Variants in SH3GL2 observed in about 807,000 individuals in gnomAD.
SH3GL2 encodes the protein endophilin-A1.
SH3GL2 carries 24 observed loss-of-function variants against 46.0 expected under a neutral mutation model. The ratio of observed to expected loss-of-function variants is 0.52; its 90% CI spans 0.38 to 0.73. The LOEUF (loss-of-function observed/expected upper bound fraction) is 0.73, where lower values mean the gene tolerates loss of function less well. SH3GL2 is among the 30% of genes least tolerant of loss of function. SH3GL2 has a pLI of 0.00. For missense variants in SH3GL2, 413 were observed against 424.2 expected (o/e 0.97, Z 0.23); for synonymous variants, 196 against 147.1 (o/e 1.33, Z -2.40).
At chr9:17,621,903 A>G (rs961561032) in intron 1 of SH3GL2, among the ~76,000 whole-genome samples, 4 of 152,180 alleles carry the variant, frequency 2.6e-5, no homozygotes, top group African/African-American at 7.2e-5. Context: ...ACTTTGCCCA[A>G]TAAAAATGTT....
intron 1 of SH3GL2, among the ~76,000 whole-genome samples, chr9:17,618,703 A>G (rs1447107446): frequency 1.3e-5 from 2 of 152,156 alleles, no homozygotes; most frequent in African/African-American, 2.4e-5. Context: ...GTAACATTCT[A>G]TACTTGGAAA....
At chr9:17,751,070 G>A (rs1822826562) in intron 2 of SH3GL2, among the ~76,000 whole-genome samples, 1 of 152,136 alleles carries the variant, frequency 6.6e-6, no homozygotes, top group African/African-American at 2.4e-5. Context: ...TATAGTATCT[G>A]TTTTGCAGCC....
chr9:17,765,713 A>G (rs1243275116), intron 3 of SH3GL2, among the ~76,000 whole-genome samples: 10 of 152,034 alleles, frequency 6.6e-5, no homozygotes, highest in Admixed American at 5.9e-4. Context: ...CTCCAACCAC[A>G]TTAGGTTCCC....
chr9:17,713,445 C>T (rs1821680076), intron 1 of SH3GL2, among the ~76,000 whole-genome samples: 1 of 150,660 alleles, frequency 6.6e-6, no homozygotes, highest in African/African-American at 2.4e-5. Flanking sequence ...CTTCTGCTTG[C>T]TTTGGTTTAA....
At chr9:17,716,183 A>G (rs1203582023) in intron 1 of SH3GL2, among the ~76,000 whole-genome samples, 1 of 151,990 alleles carries the variant, frequency 6.6e-6, no homozygotes, top group Non-Finnish European at 1.5e-5. Context: ...TCTGAGTTGG[A>G]CTTAATTGGT....
intron 1 of SH3GL2, among the ~76,000 whole-genome samples, chr9:17,611,028 C>G (rs1426550566): frequency 6.6e-6 from 1 of 152,128 alleles, no homozygotes; most frequent in Admixed American, 6.6e-5. Context: ...TGACAATTAA[C>G]TGGATTTTTC....
At chr9:17,741,603 C>T (rs1198759059) in intron 1 of SH3GL2, among the ~76,000 whole-genome samples, 8 of 152,156 alleles carry the variant, frequency 5.3e-5, no homozygotes, top group Admixed American at 2.6e-4. Flanking sequence ...AATGCCGACT[C>T]ATAGTTAAGG....
intron 1 of SH3GL2, among the ~76,000 whole-genome samples, chr9:17,721,465 T>A (rs978516662): frequency 5.3e-5 from 8 of 152,250 alleles, no homozygotes; most frequent in Non-Finnish European, 8.8e-5. Context: ...TTAACTTTAC[T>A]ACATATAATA....
chr9:17,648,649 C>G (rs1181448856), intron 1 of SH3GL2, among the ~76,000 whole-genome samples: 2 of 152,176 alleles, frequency 1.3e-5, no homozygotes, highest in East Asian at 1.9e-4. Context: ...AGTGACTTGA[C>G]AGAATCAAAG....
chr9:17,714,108 C>G (rs1225735304), intron 1 of SH3GL2, among the ~76,000 whole-genome samples: 1 of 151,514 alleles, frequency 6.6e-6, no homozygotes, highest in African/African-American at 2.4e-5. Flanking sequence ...TAATTGAGCC[C>G]TTTATTAGTA....
chr9:17,729,172 G>C (rs1822102904), intron 1 of SH3GL2, among the ~76,000 whole-genome samples: 1 of 152,174 alleles, frequency 6.6e-6, no homozygotes, highest in African/African-American at 2.4e-5. Flanking sequence ...ACTGGCATGA[G>C]CTGGTATCTC....
chr9:17,776,101 C>T (rs576793362), intron 3 of SH3GL2, among the ~76,000 whole-genome samples: 3 of 152,118 alleles, frequency 2.0e-5, no homozygotes, highest in South Asian at 2.1e-4. Context: ...GCAGAATCAC[C>T]CCTCATCCTT....
chr9:17,712,859 CCACT>C (rs1427395600), intron 1 of SH3GL2, among the ~76,000 whole-genome samples: 4 of 132,080 alleles, frequency 3.0e-5, no homozygotes, highest in African/African-American at 1.2e-4. Flanking sequence ...ACCCACCCAC[CCACT>C]CACTCATCCA....
chr9:17,581,802 G>A (rs1355744637), intron 1 of SH3GL2, among the ~76,000 whole-genome samples: 1 of 152,126 alleles, frequency 6.6e-6, no homozygotes, highest in South Asian at 2.1e-4. Flanking sequence ...GTGTTCAGGC[G>A]ATTCTCCTGC....
intron 1 of SH3GL2, among the ~76,000 whole-genome samples, chr9:17,629,661 T>C (rs537218646): frequency 3.4e-4 from 51 of 152,218 alleles, no homozygotes; most frequent in Admixed American, 2.7e-3. Context: ...ACTATATCCT[T>C]GCCATTTTTC....
intron 1 of SH3GL2, among the ~76,000 whole-genome samples, chr9:17,696,368 T>C (rs1440243084): frequency 6.6e-6 from 1 of 152,208 alleles, no homozygotes; most frequent in African/African-American, 2.4e-5. Context: ...AAAGTATTCC[T>C]GGATGTATTA....
At chr9:17,773,272 C>A (rs1169096428) in intron 3 of SH3GL2, among the ~76,000 whole-genome samples, 1 of 152,030 alleles carries the variant, frequency 6.6e-6, no homozygotes, top group Non-Finnish European at 1.5e-5. Context: ...CCTTTTTACT[C>A]AGTTTCTAGT....
At position 17,787,422 on chromosome 9, in the gene SH3GL2, C is replaced by T. The variant is rs1219183971; in HGVS notation, c.374C>T (p.Ser125Leu). The change falls in exon 5 of 9, where the codon TCG becomes TTG. Residue 125 changes from serine (S) to leucine (L), a missense_variant. Transcript: ENST00000380607. ...GTCGGGGAGGCCATGCGGGAACTGTCGGAGGTCAAAGACTCTTTGGACATA... is the reference window on the plus strand; with the variant it reads ...GTCGGGGAGGCCATGCGGGAACTGTTGGAGGTCAAAGACTCTTTGGACATA... Reference protein sequence around the residue: ...GEVGEAMRELSEVKDSLDIEV... With the variant: ...GEVGEAMRELLEVKDSLDIEV... 4 of 1,612,172 alleles carry T rather than the reference C, an allele frequency of 2.5e-6. No individual in the cohort carries two copies. Among genetic ancestry groups the T allele is most frequent in the South Asian group, 1.1e-5 (1 of 91,040 alleles).
chr9:17,727,148 T>A (rs570061508), intron 1 of SH3GL2, among the ~76,000 whole-genome samples: 21 of 152,312 alleles, frequency 1.4e-4, no homozygotes, highest in African/African-American at 5.1e-4. Context: ...ATAGTCTGCC[T>A]CTACAGAGAG....
Sources: gnomAD v4.1 joint callset for allele counts (sites outside exome capture counted in the v4.1 genomes callset) on GRCh38, gnomAD v4.1.1 for gene constraint, MANE v1.5 for transcripts, NCBI Gene and HGNC (gene_info 2026-07-23, HGNC 2026-07-21) for gene names.